Variants in COLEC10 observed in about 807,000 individuals in gnomAD.
The protein encoded by COLEC10 is collectin subfamily member 10.
In COLEC10, 22 loss-of-function variants were observed where a neutral mutation model predicts 28.4. That is an observed-to-expected ratio of 0.78 (90% CI 0.55 to 1.11). The LOEUF is 1.11. COLEC10 is among the 50% of genes least tolerant of loss of function. The pLI is 0.00. For missense variants in COLEC10, 361 were observed against 344.1 expected (o/e 1.05, Z -0.39); for synonymous variants, 125 against 116.1 (o/e 1.08, Z -0.49).
the COLEC10 span, among the ~76,000 whole-genome samples, chr8:118,987,058 G>C: frequency 6.6e-6 from 1 of 151,956 alleles, no homozygotes; most frequent in Non-Finnish European, 1.5e-5. Flanking sequence ...TTTAAAAAAA[G>C]AAAAAGCAAC....
At position 119,106,020 on chromosome 8, in the gene COLEC10, G is replaced by A; in HGVS notation, c.663G>A (p.Met221Ile). 6.2e-7 allele frequency: 1 copy of A among 1,613,898 alleles called. No homozygotes were observed. Among genetic ancestry groups the A allele is most frequent in the South Asian group, 1.1e-5 (1 of 91,080 alleles). ...VNDLEREGQYMFTDNTPLQNY... is the reference protein window; with the variant it reads ...VNDLEREGQYIFTDNTPLQNY... ...ACCTTGAAAGGGAGGGACAGTACATGTTCACAGACAACACTCCACTGCAGA... is the reference window on the plus strand; with the variant it reads ...ACCTTGAAAGGGAGGGACAGTACATATTCACAGACAACACTCCACTGCAGA... The change falls in exon 6 of 6, where the codon ATG becomes ATA. Residue 221 changes from methionine (M) to isoleucine (I), a missense_variant. Around this residue, in one of 3 missense-constraint regions of COLEC10, gnomAD observed 335 missense variants for 308.5 expected, o/e 1.09. Transcript: ENST00000332843.
the COLEC10 span, among the ~76,000 whole-genome samples, chr8:118,987,919 G>T: frequency 1.3e-5 from 2 of 152,106 alleles, no homozygotes; most frequent in African/African-American, 4.8e-5. Context: ...GTAGAGTGTG[G>T]AAGTCATCAC....
chr8:119,102,756 C>T, intron 4 of COLEC10: 1 of 209,792 alleles, frequency 4.8e-6, no homozygotes, highest in Non-Finnish European at 9.5e-6. Flanking sequence ...AAATACTGGC[C>T]ATCAGAGTGC....
At chr8:118,986,226 T>C in the COLEC10 span, among the ~76,000 whole-genome samples, 85 of 152,300 alleles carry the variant, frequency 5.6e-4, no homozygotes, top group African/African-American at 2.0e-3. Flanking sequence ...AGTAAAGATA[T>C]GGAGCAATAT....
the COLEC10 span, among the ~76,000 whole-genome samples, chr8:118,979,938 A>G: frequency 6.6e-6 from 1 of 152,002 alleles, no homozygotes; most frequent in African/African-American, 2.4e-5. Flanking sequence ...TGTTGGACTG[A>G]TGGTCTCAGT....
At chr8:119,015,244 G>T (rs1472025900) in intron 2 of COLEC10, among the ~76,000 whole-genome samples, 1 of 150,748 alleles carries the variant, frequency 6.6e-6, no homozygotes, top group Non-Finnish European at 1.5e-5. Context: ...CTTCTGAGTA[G>T]GTCTCGGTCT....
chr8:118,991,959 T>G (rs1246843423), upstream of COLEC10, among the ~76,000 whole-genome samples: 4 of 152,140 alleles, frequency 2.6e-5, no homozygotes, highest in Non-Finnish European at 5.9e-5. Flanking sequence ...TTCCTTGGAC[T>G]GTACATTCTT....
chr8:119,081,429 G>A (rs1440064098), intron 1 of COLEC10, among the ~76,000 whole-genome samples: 1 of 151,664 alleles, frequency 6.6e-6, no homozygotes, highest in Non-Finnish European at 1.5e-5. Flanking sequence ...AATTTTTTAT[G>A]CCTTAGTGTT....
chr8:119,091,109 T>C (rs759220305), intron 2 of COLEC10, 40 bp from the exon 3 acceptor site: 14 of 1,532,200 alleles, frequency 9.1e-6, no homozygotes, highest in Non-Finnish European at 1.3e-5. Flanking sequence ...CAAGGGAAGA[T>C]AAAACCTTAT....
intron 2 of COLEC10, among the ~76,000 whole-genome samples, chr8:119,045,349 T>C (rs758559165): frequency 3.9e-5 from 6 of 152,262 alleles, no homozygotes; most frequent in South Asian, 2.1e-4. Flanking sequence ...ATGGGTAAAA[T>C]AGAAAAATGT....
At position 119,106,216 on chromosome 8, in the gene COLEC10, A is replaced by AT; in HGVS notation, c.*29dup. On this transcript the variant is annotated 3_prime_UTR_variant, in exon 6 of 6. Coordinates refer to ENST00000332843, the MANE Select transcript of COLEC10 (RefSeq NM_006438.5). ...ACTTCCCTCATCCTACGTATTTGCT[A>AT]TTTTCCTGTGACCGTCATTACAGTT... is the stretch of plus-strand genomic sequence containing the variant. 6.4e-7 allele frequency: 1 copy of AT among 1,572,678 alleles called. No homozygotes were observed. Among genetic ancestry groups the AT allele is most frequent in the Non-Finnish European group, 8.7e-7 (1 of 1,155,412 alleles).
Position 119,089,771 on chromosome 8 carries a change from A to G in COLEC10, c.220+20A>G, listed in dbSNP as rs1815552556. Reference sequence around the variant, plus strand: ...CGAAAGGTAACTAAAATGATGTGAAACTGACATTTTAATATCATAATTGTT... The same window carrying G: ...CGAAAGGTAACTAAAATGATGTGAAGCTGACATTTTAATATCATAATTGTT... On this transcript the variant is annotated intron_variant, in intron 2 of 5. Transcript: ENST00000332843. The G allele has an allele frequency of 6.3e-7, 1 of 1,595,926 alleles. No homozygotes were observed. Among genetic ancestry groups the G allele is most frequent in the South Asian group, 1.1e-5 (1 of 90,612 alleles).
At position 119,107,601 on chromosome 8, in the gene COLEC10, G is replaced by A. The variant is rs1815974405; in HGVS notation, c.*1410G>A. Among the ~76,000 whole-genome samples, 1 of 152,164 alleles carries A rather than the reference G, an allele frequency of 6.6e-6. No individual in the cohort carries two copies. Among genetic ancestry groups the A allele is most frequent in the Non-Finnish European group, 1.5e-5 (1 of 68,026 alleles). On this transcript the variant is annotated 3_prime_UTR_variant, in exon 6 of 6. Coordinates refer to ENST00000332843, the MANE Select transcript of COLEC10 (RefSeq NM_006438.5). ...CCCGTGACTAACTGGTTATGAGATA[G>A]GACTTAATTAGGTTATTTCTGTGGG...
intron 1 of COLEC10, among the ~76,000 whole-genome samples, chr8:119,003,211 T>C (rs1813732748): frequency 1.3e-5 from 2 of 152,144 alleles, no homozygotes; most frequent in Admixed American, 1.3e-4. Flanking sequence ...TTCATACATC[T>C]TTTATGTCAG....
intron 2 of COLEC10, among the ~76,000 whole-genome samples, chr8:119,047,001 T>G (rs1290337071): frequency 1.3e-5 from 2 of 152,168 alleles, no homozygotes; most frequent in Non-Finnish European, 2.9e-5. Flanking sequence ...CAGCTAAGAA[T>G]GTGATGAGGC....
At chr8:119,081,953 G>A (rs572159145) in intron 1 of COLEC10, among the ~76,000 whole-genome samples, 3 of 152,258 alleles carry the variant, frequency 2.0e-5, no homozygotes, top group African/African-American at 7.2e-5. Flanking sequence ...CACTATTCTA[G>A]GCACTTGAGA....
rs1035754675 is a variant in COLEC10 at position 119,103,822 on chromosome 8, A to G, written c.369A>G (p.Arg123=). The G allele has an allele frequency of 6.2e-7, 1 of 1,612,136 alleles. No homozygotes were observed. Among genetic ancestry groups the G allele is most frequent in the Non-Finnish European group, 8.5e-7 (1 of 1,178,456 alleles). The change falls in exon 5 of 6, where the codon AGA becomes AGG. Residue 123 remains arginine, a synonymous_variant. Transcript: ENST00000332843. ...AAGGTACTGTCTGTGATTGTGGAAG[A>G]TACCGGAAATTTGTTGGACAACTGG... ...GKAGTVCDCG[R]YRKFVGQLDI...
At chr8:119,018,356 G>A (rs1814030711) in intron 2 of COLEC10, among the ~76,000 whole-genome samples, 2 of 152,102 alleles carry the variant, frequency 1.3e-5, no homozygotes, top group South Asian at 4.1e-4. Flanking sequence ...TCAACTAATT[G>A]AATACAGCAG....
intron 1 of COLEC10, 41 bp from the exon 2 acceptor site, chr8:119,089,639 G>A (rs1023937987): frequency 6.7e-7 from 1 of 1,498,494 alleles, no homozygotes; most frequent in Admixed American, 1.7e-5. Context: ...TCATGTTACT[G>A]TTTGAGATGC....
Sources: gnomAD v4.1 joint callset for allele counts (sites outside exome capture counted in the v4.1 genomes callset) on GRCh38, gnomAD v4.1.1 for gene constraint, gnomAD v4.1.1 regional missense constraint, MANE v1.5 for transcripts, NCBI Gene and HGNC (gene_info 2026-07-23, HGNC 2026-07-21) for gene names.